Variants in PDS5B observed in about 807,000 individuals in gnomAD.
The protein encoded by PDS5B is sister chromatid cohesion protein PDS5 homolog B.
In PDS5B, 51 loss-of-function variants were observed where a neutral mutation model predicts 184.1. The ratio of observed to expected loss-of-function variants is 0.28; its 90% confidence interval spans 0.22 to 0.35. The LOEUF is 0.35. PDS5B is among the 10% of genes least tolerant of loss of function. The probability of loss-of-function intolerance (pLI) is 1.00; values close to 1 mark genes in which losing one functional copy is unlikely to be tolerated. For synonymous variants in PDS5B, 566 were observed against 569.2 expected, an observed-to-expected ratio of 0.99 and a Z score of 0.08; for missense variants, 1,180 against 1,723.3, an observed-to-expected ratio of 0.68 and a Z score of 5.58.
intron 34 of PDS5B, among the ~76,000 whole-genome samples, chr13:32,774,097 C>T (rs978002970): frequency 6.6e-6 from 1 of 152,170 alleles, no homozygotes; most frequent in Non-Finnish European, 1.5e-5. Context: ...GCCACTGCAC[C>T]CGGCCCTTCT....
intron 2 of PDS5B, 59 bp downstream of exon 2, chr13:32,648,939 C>G: frequency 1.2e-6 from 1 of 810,960 alleles, no homozygotes; most frequent in South Asian, 1.3e-5. Flanking sequence ...CTGTGGAAAT[C>G]ACATGGGGCT....
chr13:32,767,845 G>A (rs1954633080), intron 31 of PDS5B, among the ~76,000 whole-genome samples: 1 of 152,006 alleles, frequency 6.6e-6, no homozygotes, highest in African/African-American at 2.4e-5. Context: ...CTATGTGGAG[G>A]AATAAATAAA....
intron 33 of PDS5B, among the ~76,000 whole-genome samples, chr13:32,771,736 C>T (rs1041111206): frequency 2.6e-5 from 4 of 152,074 alleles, no homozygotes; most frequent in Admixed American, 2.6e-4. Context: ...TGTTTGGATT[C>T]AACCAAATCA....
rs746061423 is a variant in PDS5B, at chr13:32,742,693, A to G, written c.2578A>G (p.Ser860Gly). The G allele has an allele frequency of 1.3e-5, 21 of 1,611,980 alleles. No homozygotes were observed. The South Asian group carries it at 2.1e-4, about 16-fold the overall frequency. ...AAGATTGCTAACAACAATATTGCAT[A>G]GTGATGGAGACTTGACAGAACAGGG... ...TLRLLTTILH[S>G]DGDLTEQGKI... Residue 860 changes from serine (S) to glycine (G), a missense_variant, in exon 23 of 35, where the codon AGT becomes GGT. Physicochemically the swap from Ser to Gly is moderately conservative, Grantham distance 56. Around this residue, in one of 11 missense-constraint regions of PDS5B, gnomAD observed 475 missense variants for 691.5 expected, o/e 0.69. Coordinates refer to ENST00000315596, the MANE Select transcript of PDS5B (RefSeq NM_015032.4).
intron 17 of PDS5B, among the ~76,000 whole-genome samples, chr13:32,702,664 A>G (rs1390889246): frequency 6.6e-6 from 1 of 152,218 alleles, no homozygotes. Flanking sequence ...TGAGGTTAAC[A>G]TAAATTAAGC....
chr13:32,750,865 G>GTGTGTT lies in PDS5B; in HGVS notation c.2737-2462_2737-2461insTTGTGT, dbSNP rs1285638638. The stretch of plus-strand genomic sequence containing the variant: ...CCTCCCTCTGTGTGTGTGTGTGTGT[G>GTGTGTT]TGTGTGTGTGTGTGTGTGTGTGTTT... On this transcript the variant is annotated intron_variant, in intron 24 of 34. Coordinates refer to ENST00000315596, the MANE Select transcript of PDS5B (RefSeq NM_015032.4). Among the ~76,000 whole-genome samples, 149 of 151,802 alleles carry GTGTGTT rather than the reference G, an allele frequency of 9.8e-4. 1 individual carries two copies. The highest frequency in any genetic ancestry group is 3.6e-3 in the African/African-American group (148 of 41,398).
At chr13:32,646,548 A>G (rs533707875) in intron 1 of PDS5B, among the ~76,000 whole-genome samples, 1 of 151,434 alleles carries the variant, frequency 6.6e-6, no homozygotes, top group African/African-American at 2.4e-5. Context: ...TAAATACCAC[A>G]GAGTGAATCT....
chr13:32,640,497 T>G (rs1447249599), intron 1 of PDS5B, among the ~76,000 whole-genome samples: 1 of 152,140 alleles, frequency 6.6e-6, no homozygotes, highest in East Asian at 1.9e-4. Flanking sequence ...TCTGCCCACT[T>G]TGGGCTCCCA....
intron 17 of PDS5B, among the ~76,000 whole-genome samples, chr13:32,705,864 G>T (rs945422426): frequency 6.6e-6 from 1 of 152,048 alleles, no homozygotes; most frequent in Admixed American, 6.6e-5. Flanking sequence ...ACAGGGTCTC[G>T]TTATGTTGCT....
chr13:32,739,771 G>A (rs1487749266), intron 21 of PDS5B, among the ~76,000 whole-genome samples: 1 of 141,898 alleles, frequency 7.0e-6, no homozygotes, highest in Non-Finnish European at 1.5e-5. Flanking sequence ...ATTTTATTTG[G>A]TGTTGTAAGA....
intron 3 of PDS5B, 135 bp downstream of exon 3, chr13:32,652,142 AAT>A: frequency 1.7e-6 from 1 of 602,772 alleles, no homozygotes; most frequent in East Asian, 2.9e-5. Context: ...TGCTAAACTT[AAT>A]GTTTTTTTTT....
chr13:32,742,899 G>C (rs1953609718), intron 23 of PDS5B, among the ~76,000 whole-genome samples, 172 bp downstream of exon 23: 2 of 150,334 alleles, frequency 1.3e-5, no homozygotes, highest in Non-Finnish European at 3.0e-5. Flanking sequence ...TTACAGTGGC[G>C]GTCACATGTC....
In PDS5B at chr13:32,659,260, A is replaced by T; in HGVS notation, c.604A>T (p.Asn202Tyr). 6.3e-7 allele frequency: 1 copy of T among 1,587,968 alleles called. No individual in the cohort carries two copies. The highest frequency in any genetic ancestry group is 8.6e-7 in the Non-Finnish European group (1 of 1,163,408). ...GGAGCTTTTGGATACGGTTTTAGTA[A>T]ATCTGGTACCTGCTCATAAGGTGAG... ...SQELLDTVLV[N>Y]LVPAHKNLNK... Residue 202 changes from asparagine to tyrosine, a missense_variant, in exon 6 of 35, where the codon AAT becomes TAT. Physicochemically the swap from Asn to Tyr is moderately radical, Grantham distance 143. This residue lies in a region of PDS5B where 79 missense variants were observed against 124.6 expected (regional missense o/e 0.63). Transcript: ENST00000315596.
rs551299112 is a variant in PDS5B at position 32,722,510 on chromosome 13, G to A, written c.2124-9591G>A. On this transcript the variant is annotated intron_variant, in intron 19 of 34. Transcript: ENST00000315596. ...TGTAGTACAAGTTTGTAGTCTAGGA[G>A]CAATAGGTCATACCATATAGGTATG... 4.5e-4 allele frequency among the ~76,000 whole-genome samples: 68 copies of A among 152,280 alleles called. 2 individuals carry two copies. In the South Asian group the frequency reaches 0.014, roughly 31 times the overall value.
At chr13:32,734,883 C>T (rs1953268758) in intron 20 of PDS5B, among the ~76,000 whole-genome samples, 1 of 152,156 alleles carries the variant, frequency 6.6e-6, no homozygotes, top group Non-Finnish European at 1.5e-5. Flanking sequence ...AAACTATATG[C>T]TATGAAGTCT....
At chr13:32,627,641 A>G (rs1233077946) in intron 1 of PDS5B, among the ~76,000 whole-genome samples, 2 of 152,186 alleles carry the variant, frequency 1.3e-5, no homozygotes, top group Non-Finnish European at 2.9e-5. Flanking sequence ...TAATTTGCAA[A>G]TTAGTAATTG....
chr13:32,695,061 A>G (rs1409644643), intron 14 of PDS5B, among the ~76,000 whole-genome samples: 2 of 151,870 alleles, frequency 1.3e-5, no homozygotes, highest in Non-Finnish European at 2.9e-5. Flanking sequence ...CTAAGGGGTG[A>G]AAACTTTCAC....
rs2058340042 is a variant in PDS5B, at chr13:32,624,119, T to C, written c.-19-24635T>C. Among the ~76,000 whole-genome samples the C allele has an allele frequency of 2.6e-5, 4 of 152,206 alleles. No homozygotes were observed. The South Asian group carries it at 8.3e-4, about 31-fold the overall frequency. On this transcript the variant is annotated intron_variant, in intron 1 of 34. Transcript: ENST00000315596. ...CTTTGCAAAATTGACACAAAGGCCCTTTTACCAATCTGGTCAACACTCCCC... is the reference window on the plus strand; with the variant it reads ...CTTTGCAAAATTGACACAAAGGCCCCTTTACCAATCTGGTCAACACTCCCC...
At chr13:32,702,601 A>G (rs1433419405) in intron 17 of PDS5B, among the ~76,000 whole-genome samples, 1 of 152,192 alleles carries the variant, frequency 6.6e-6, no homozygotes, top group East Asian at 1.9e-4. Context: ...TATTTCACCT[A>G]AGAGGGGAGA....
Sources: gnomAD v4.1 joint callset for allele counts (sites outside exome capture counted in the v4.1 genomes callset) on GRCh38, gnomAD v4.1.1 for gene constraint, gnomAD v4.1.1 regional missense constraint, MANE v1.5 for transcripts, NCBI Gene and HGNC (gene_info 2026-07-23, HGNC 2026-07-21) for gene names.